METTL15: variants seen among roughly 807,000 people sequenced by gnomAD.
METTL15 encodes methyltransferase 15, mitochondrial 12S rRNA N4-cytidine.
In METTL15, 34 loss-of-function variants were observed where a neutral mutation model predicts 38.3. That is an observed-to-expected ratio of 0.89 (90% CI 0.68 to 1.18). METTL15 has a LOEUF of 1.18. Ranked by LOEUF, METTL15 falls within the 50% of genes most tolerant of loss-of-function variation. The pLI, the probability that METTL15 is intolerant of heterozygous loss-of-function variation, is 0.00. For synonymous variants in METTL15, 162 were observed against 170.9 expected (o/e 0.95, Z 0.41); for missense variants, 438 against 498.4 (o/e 0.88, Z 1.15).
downstream of METTL15, among the ~76,000 whole-genome samples, chr11:28,337,718 A>G (rs528859925): frequency 1.3e-5 from 2 of 152,158 alleles, no homozygotes; most frequent in African/African-American, 2.4e-5. Context: ...TGTATCTTTA[A>G]TATGTTTAGA....
At chr11:28,524,940 T>C (rs1178277701) in intron 6 of METTL15, among the ~76,000 whole-genome samples, 1 of 151,974 alleles carries the variant, frequency 6.6e-6, no homozygotes, top group African/African-American at 2.4e-5. Flanking sequence ...GTGTTTGGAG[T>C]TTCTTCCTTC....
chr11:28,437,683 A>G (rs1850995176), intron 6 of METTL15, among the ~76,000 whole-genome samples: 1 of 152,178 alleles, frequency 6.6e-6, no homozygotes, highest in Non-Finnish European at 1.5e-5. Context: ...GTCAGAAGCA[A>G]TCTCATTTTG....
intron 3 of METTL15, among the ~76,000 whole-genome samples, chr11:28,196,012 A>T (rs1590139914): frequency 6.6e-6 from 1 of 151,948 alleles, no homozygotes; most frequent in South Asian, 2.1e-4. Flanking sequence ...TTGGTTGTTA[A>T]GTACTTGGCT....
At chr11:28,429,972 C>T (rs1177416827) in intron 6 of METTL15, among the ~76,000 whole-genome samples, 1 of 131,208 alleles carries the variant, frequency 7.6e-6, no homozygotes, top group Non-Finnish European at 1.6e-5. Context: ...GCCCGGCCGC[C>T]CATCGTCTGA....
chr11:28,425,577 G>C (rs1054239391), intron 6 of METTL15, among the ~76,000 whole-genome samples: 1 of 151,904 alleles, frequency 6.6e-6, no homozygotes, highest in South Asian at 2.1e-4. Flanking sequence ...ACCTCTAATC[G>C]TTCATCACTT....
chr11:28,508,647 C>A (rs999989484), intron 6 of METTL15, among the ~76,000 whole-genome samples: 1 of 152,174 alleles, frequency 6.6e-6, no homozygotes, highest in Admixed American at 6.5e-5. Flanking sequence ...TTAGTCACTT[C>A]TCTTCATGGC....
intron 2 of METTL15, 120 bp from the exon 3 acceptor site, chr11:28,113,198 G>C (rs1851786653): frequency 3.1e-6 from 2 of 654,300 alleles, no homozygotes; most frequent in Non-Finnish European, 5.1e-6. Flanking sequence ...AAGATGTTAG[G>C]ATCATGAGTC....
At chr11:28,245,837 C>T (rs1854486819) in intron 4 of METTL15, among the ~76,000 whole-genome samples, 1 of 152,022 alleles carries the variant, frequency 6.6e-6, no homozygotes, top group African/African-American at 2.4e-5. Context: ...AAGTGCTACA[C>T]AGTTTCAGAC....
intron 4 of METTL15, among the ~76,000 whole-genome samples, chr11:28,285,728 A>G (rs1856234211): frequency 6.6e-6 from 1 of 152,112 alleles, no homozygotes; most frequent in Admixed American, 6.6e-5. Context: ...CTTCCTTGGG[A>G]CAATTTAACT....
At chr11:28,323,591 A>C (rs1336936596) in intron 6 of METTL15, among the ~76,000 whole-genome samples, 3 of 152,180 alleles carry the variant, frequency 2.0e-5, no homozygotes, top group Non-Finnish European at 2.9e-5. Context: ...AGGTTCAGTT[A>C]AGAGCAAGGT....
chr11:28,410,115 G>T (rs1018037624), intron 5 of METTL15, among the ~76,000 whole-genome samples: 1 of 152,078 alleles, frequency 6.6e-6, no homozygotes, highest in Non-Finnish European at 1.5e-5. Context: ...AGATTGAAGA[G>T]ATAACTAAAA....
intron 4 of METTL15, among the ~76,000 whole-genome samples, chr11:28,239,413 G>T (rs374397179): frequency 2.0e-5 from 3 of 152,150 alleles, no homozygotes; most frequent in Admixed American, 6.5e-5. Context: ...TACCTTCAAG[G>T]TGTATATGAA....
intron 3 of METTL15, among the ~76,000 whole-genome samples, chr11:28,204,790 T>C (rs1364239514): frequency 6.6e-6 from 1 of 152,028 alleles, no homozygotes; most frequent in African/African-American, 2.4e-5. Flanking sequence ...GTACTTTTTA[T>C]TCCCATTTAT....
chr11:28,356,264 G>A (rs563068781), intron 4 of METTL15, among the ~76,000 whole-genome samples: 27 of 151,936 alleles, frequency 1.8e-4, no homozygotes, highest in East Asian at 9.7e-4. Context: ...CACTATTTTC[G>A]GTCTCCTCCC....
At chr11:28,130,167 T>C (rs1032404936) in intron 3 of METTL15, among the ~76,000 whole-genome samples, 4 of 151,896 alleles carry the variant, frequency 2.6e-5, no homozygotes, top group Non-Finnish European at 5.9e-5. Context: ...AAAATAATGC[T>C]GTATATGGTG....
intron 3 of METTL15, among the ~76,000 whole-genome samples, chr11:28,342,802 T>G (rs1849964588): frequency 6.6e-6 from 1 of 152,240 alleles, no homozygotes; most frequent in Admixed American, 6.5e-5. Context: ...TTTGTGAAAT[T>G]GTTTTGTATG....
At chr11:28,167,332 AT>A (rs1368097968) in intron 3 of METTL15, among the ~76,000 whole-genome samples, 1 of 152,174 alleles carries the variant, frequency 6.6e-6, no homozygotes, top group Non-Finnish European at 1.5e-5. Flanking sequence ...GGAGAACCAG[AT>A]CTGAAAATGA....
chr11:28,448,709 C>T (rs930129529), intron 6 of METTL15, among the ~76,000 whole-genome samples: 3 of 152,096 alleles, frequency 2.0e-5, no homozygotes, highest in African/African-American at 2.4e-5. Flanking sequence ...TATGCTCATC[C>T]CTTCTTCTGA....
In METTL15 at chr11:28,230,232, A is replaced by G. The variant is rs374994934; in HGVS notation, c.407+19034A>G. On this transcript the variant is annotated intron_variant, in intron 4 of 6. Transcript: ENST00000407364. ...TTTTTCTCTTTTGACAAATACAAAT[A>G]TAAGTATAGACCTATATATTATAAT... 9.2e-5 allele frequency among the ~76,000 whole-genome samples: 14 copies of G among 152,108 alleles called. No homozygotes were observed. In the South Asian group the frequency reaches 2.1e-3, roughly 22 times the overall value.
Sources: gnomAD v4.1 joint callset for allele counts (sites outside exome capture counted in the v4.1 genomes callset) on GRCh38, gnomAD v4.1.1 for gene constraint, MANE v1.5 for transcripts, NCBI Gene and HGNC (gene_info 2026-07-23, HGNC 2026-07-21) for gene names.